Variants in LARP1B observed in about 807,000 individuals in gnomAD.
LARP1B encodes the protein la-related protein 1B.
In LARP1B, 76 loss-of-function variants were observed where a neutral mutation model predicts 114.2. The ratio of observed to expected loss-of-function variants is 0.67; its 90% CI spans 0.55 to 0.81. The LOEUF (loss-of-function observed/expected upper bound fraction) is 0.81, where lower values mean the gene tolerates loss of function less well. Among genes scored for constraint, LARP1B ranks in the 30% least tolerant of loss-of-function variants. The pLI is 0.00. For synonymous variants in LARP1B, 345 were observed against 348.0 expected (o/e 0.99, Z 0.10); for missense variants, 1,014 against 1,075.8 (o/e 0.94, Z 0.80).
Position 128,211,625 on chromosome 4 carries a change from C to A in LARP1B, c.*1572C>A. 2 of 978,110 alleles carry A rather than the reference C, an allele frequency of 2.0e-6. No homozygotes were observed. The highest frequency in any genetic ancestry group is 4.7e-5 in the South Asian group (1 of 21,094). The allele number at this position is 978,110 out of a possible 1,614,324, so 60.6% of individuals were successfully genotyped here. A position where few individuals can be genotyped will look rare whatever the true frequency, so the allele number is the denominator to read the frequency against. On this transcript the variant is annotated 3_prime_UTR_variant, in exon 20 of 20. Transcript: ENST00000326639. The stretch of plus-strand genomic sequence containing the variant: ...GGGTTAGAATAATAGATCTTCAAGT[C>A]TTTTCTTAAATGGGGTATGTAGTTC...
intron 7 of LARP1B, among the ~76,000 whole-genome samples, chr4:128,095,427 C>T (rs540442337): frequency 7.0e-5 from 10 of 143,146 alleles, no homozygotes; most frequent in South Asian, 6.6e-4. Flanking sequence ...AGGCGGAGGT[C>T]GCAGTGAGCC....
At chr4:128,097,598 C>G (rs184004152) in intron 7 of LARP1B, among the ~76,000 whole-genome samples, 21 of 152,262 alleles carry the variant, frequency 1.4e-4, no homozygotes, top group Admixed American at 1.1e-3. Context: ...TCAGCCACCG[C>G]GCCTGGCCAT....
At chr4:128,190,560 C>T (rs894923906) in intron 15 of LARP1B, among the ~76,000 whole-genome samples, 3 of 152,064 alleles carry the variant, frequency 2.0e-5, no homozygotes, top group Non-Finnish European at 4.4e-5. Context: ...TATCCCATGC[C>T]GTTCTTGTGA....
intron 8 of LARP1B, among the ~76,000 whole-genome samples, chr4:128,098,914 A>T (rs888970150): frequency 6.7e-6 from 1 of 149,256 alleles, no homozygotes; most frequent in African/African-American, 2.5e-5. Flanking sequence ...AGTAGCTGGG[A>T]CTACAAGCAC....
At position 128,091,342 on chromosome 4, in the gene LARP1B, T is replaced by G. The variant is rs1369654846; in HGVS notation, c.503-5T>G. 1 of 1,604,516 alleles carries G rather than the reference T, an allele frequency of 6.2e-7. No homozygotes were observed. The highest frequency in any genetic ancestry group is 1.7e-5 in the Admixed American group (1 of 58,266). On this transcript the variant is annotated splice_polypyrimidine_tract_variant and splice_region_variant and intron_variant, in intron 6 of 19. Coordinates refer to ENST00000326639, the MANE Select transcript of LARP1B (RefSeq NM_018078.4). The stretch of plus-strand genomic sequence containing the variant: ...TTACCTTTCTTTTTCTTTATTCACA[T>G]CAAGTGAACTTTGATTATTCATATG...
rs1458017131 is a variant in LARP1B at position 128,107,814 on chromosome 4, T to C, written c.988+501T>C. The C allele has an allele frequency of 7.8e-6, 12 of 1,531,580 alleles. No individual in the cohort carries two copies. In the East Asian group the frequency reaches 2.0e-4, roughly 25 times the overall value. The allele number at this position is 1,531,580 out of a possible 1,614,324, so 94.9% of individuals were successfully genotyped here. On this transcript the variant is annotated intron_variant, in intron 9 of 19. Coordinates refer to ENST00000326639, the MANE Select transcript of LARP1B (RefSeq NM_018078.4). ...GAATTTCCAAAAGATTTAATGTTAA[T>C]AATTTTTTCCTGGATCATTTTTAAG...
rs1169703424 is a variant in LARP1B, at chr4:128,065,312, T to TC, written c.-78+3912dup. On this transcript the variant is annotated intron_variant, in intron 1 of 19. Coordinates refer to ENST00000326639, the MANE Select transcript of LARP1B (RefSeq NM_018078.4). The stretch of plus-strand genomic sequence containing the variant: ...TTCTTTCTTTCTTTCTTTCTTTCTT[T>TC]CTTTCTCTCTCTCTCTCTCTTTCCT... 7.6e-3 allele frequency among the ~76,000 whole-genome samples: 584 copies of TC among 76,620 alleles called. 9 individuals are homozygous for TC. The highest frequency in any genetic ancestry group is 0.018 in the Middle Eastern group (3 of 164). The allele number at this position is 76,620 out of a possible 152,430, so 50.3% of individuals were successfully genotyped here.
chr4:128,153,292 CATTTATTTATTTATTTATTTATTT>C lies in LARP1B; in HGVS notation c.1525-8883_1525-8860del, dbSNP rs36202530. 1.6e-4 allele frequency among the ~76,000 whole-genome samples: 22 copies of C among 140,996 alleles called. 1 individual carries two copies. In the South Asian group the frequency reaches 4.9e-3, roughly 31 times the overall value. 92.5% of individuals were successfully genotyped at this position (140,996 alleles called of 152,430 possible). A position where few individuals can be genotyped will look rare whatever the true frequency, so the allele number is the denominator to read the frequency against. ...ACCACCACGCCTGGCCTTGGTTTGC[CATTTATTTATTTATTTATTTATTT>C]ATTTATTTATTTATTTATGAGACAG... On this transcript the variant is annotated intron_variant, in intron 11 of 19. Transcript: ENST00000326639.
At chr4:128,080,405 A>C (rs898463352) in intron 4 of LARP1B, among the ~76,000 whole-genome samples, 3 of 152,196 alleles carry the variant, frequency 2.0e-5, no homozygotes, top group Non-Finnish European at 4.4e-5. Flanking sequence ...TTTGACTTTA[A>C]AAGAAGGGCT....
rs928250701 is a variant in LARP1B at position 128,178,369 on chromosome 4, TATTCTC to T, written c.1685-60_1685-55del. 7.4e-5 allele frequency: 90 copies of T among 1,209,836 alleles called. No individual in the cohort carries two copies. The African/African-American group carries it at 1.2e-3, about 16-fold the overall frequency. The allele number at this position is 1,209,836 out of a possible 1,614,324, so 74.9% of individuals were successfully genotyped here. On this transcript the variant is annotated intron_variant, in intron 13 of 19. Coordinates refer to ENST00000326639, the MANE Select transcript of LARP1B (RefSeq NM_018078.4). ...GCTTAGAGAATTACAAAATTATCCT[TATTCTC>T]AAAGTAAAATATTTTCCTAGCATCT...
At position 128,148,436 on chromosome 4, in the gene LARP1B, C is replaced by CA. The variant is rs888280214; in HGVS notation, c.1525-13746dup. 7.4e-3 allele frequency among the ~76,000 whole-genome samples: 917 copies of CA among 124,236 alleles called. 8 individuals carry two copies. Among genetic ancestry groups the CA allele is most frequent in the African/African-American group, 0.023 (764 of 33,878 alleles). The allele number at this position is 124,236 out of a possible 152,430, so 81.5% of individuals were successfully genotyped here. A position where few individuals can be genotyped will look rare whatever the true frequency, so the allele number is the denominator to read the frequency against. On this transcript the variant is annotated intron_variant, in intron 11 of 19. Coordinates refer to ENST00000326639, the MANE Select transcript of LARP1B (RefSeq NM_018078.4). ...GGGCAACAAGAGTGAAACTCTGTCTCAAAAAAAAAAAAGCTTCTAAATATA... is the reference window on the plus strand; with the variant it reads ...GGGCAACAAGAGTGAAACTCTGTCTCAAAAAAAAAAAAAGCTTCTAAATATA...
chr4:128,176,992 C>T, intron 13 of LARP1B, 85 bp downstream of exon 13: 1 of 1,184,218 alleles, frequency 8.4e-7, no homozygotes, highest in Middle Eastern at 1.9e-4. Flanking sequence ...GACTTTCAGA[C>T]AGAAGAAAAA....
chr4:128,194,866 C>CAA (rs879815845), intron 15 of LARP1B, among the ~76,000 whole-genome samples: 2 of 137,030 alleles, frequency 1.5e-5, no homozygotes, highest in African/African-American at 2.7e-5. Context: ...GACTCCATCG[C>CAA]AAAAAAAAAA....
In LARP1B at chr4:128,072,234, CA is replaced by C. The variant is rs199500398; in HGVS notation, c.-77-2225del. 7.5e-3 allele frequency among the ~76,000 whole-genome samples: 1,146 copies of C among 152,224 alleles called. 10 individuals are homozygous for C. The highest frequency in any genetic ancestry group is 9.2e-3 in the Non-Finnish European group (627 of 68,024). ...CAGGCTGCTCTCAAACTCCTGACCTCAGGTAATCTGCCTGCGTTGGCCTCCC... is the reference window on the plus strand; with the variant it reads ...CAGGCTGCTCTCAAACTCCTGACCTCGGTAATCTGCCTGCGTTGGCCTCCC... On this transcript the variant is annotated intron_variant, in intron 1 of 19. Coordinates refer to ENST00000326639, the MANE Select transcript of LARP1B (RefSeq NM_018078.4).
chr4:128,072,000 T>C (rs550403624), intron 1 of LARP1B, among the ~76,000 whole-genome samples: 30 of 107,866 alleles, frequency 2.8e-4, no homozygotes, highest in African/African-American at 1.1e-3. Context: ...TATTTATTTT[T>C]ACTTTATTTA....
rs563688978 is a variant in LARP1B, at chr4:128,178,310, A to G, written c.1685-121A>G. ...AAGTATTTGTTATTTTTGTTTTTAT[A>G]TATTTGAAATGTTTTCAGTGAAAAA... On this transcript the variant is annotated intron_variant, in intron 13 of 19. Coordinates refer to ENST00000326639, the MANE Select transcript of LARP1B (RefSeq NM_018078.4). 25 of 662,460 alleles carry G rather than the reference A, an allele frequency of 3.8e-5. No homozygotes were observed. In the South Asian group the frequency reaches 5.2e-4, roughly 14 times the overall value. 41.0% of individuals were successfully genotyped at this position (662,460 alleles called of 1,614,324 possible).
Position 128,156,112 on chromosome 4 carries a change from G to C in LARP1B, c.1525-6082G>C. 5.6e-6 allele frequency: 9 copies of C among 1,609,542 alleles called. No homozygotes were observed. In the South Asian group the frequency reaches 9.9e-5, roughly 18 times the overall value. On this transcript the variant is annotated intron_variant, in intron 11 of 19. Coordinates refer to ENST00000326639, the MANE Select transcript of LARP1B (RefSeq NM_018078.4). Reference sequence around the variant, plus strand: ...GGTCTTCACCTACCCCAGCACTCCTGAGCCCTGTGCCTCAGCTCATCACAA... The same window carrying C: ...GGTCTTCACCTACCCCAGCACTCCTCAGCCCTGTGCCTCAGCTCATCACAA...
At chr4:128,158,888 T>A (rs756411217) in intron 11 of LARP1B, among the ~76,000 whole-genome samples, 1 of 152,004 alleles carries the variant, frequency 6.6e-6, no homozygotes, top group African/African-American at 2.4e-5. Context: ...TATAGCACAA[T>A]GCTGGGCAAG....
chr4:128,082,340 A>G (rs1282031376), intron 5 of LARP1B, 35 bp downstream of exon 5: 3 of 1,578,688 alleles, frequency 1.9e-6, no homozygotes, highest in Non-Finnish European at 1.7e-6. Context: ...ATGACTAAGG[A>G]AAGACTTAGT....
Sources: gnomAD v4.1 joint callset for allele counts (sites outside exome capture counted in the v4.1 genomes callset) on GRCh38, gnomAD v4.1.1 for gene constraint, MANE v1.5 for transcripts, NCBI Gene and HGNC (gene_info 2026-07-23, HGNC 2026-07-21) for gene names.